CADM1: variants seen among roughly 807,000 people sequenced by gnomAD.
The protein encoded by CADM1 is cell adhesion molecule 1.
In CADM1, 15 loss-of-function variants were observed where a neutral mutation model predicts 53.1. That is an observed-to-expected ratio of 0.28 (90% confidence interval 0.19 to 0.44). The LOEUF is 0.44. CADM1 is among the 20% of genes least tolerant of loss of function. The pLI is 1.00. For synonymous variants in CADM1, 281 were observed against 243.0 expected (o/e 1.16, Z -1.45); for missense variants, 434 against 611.3 (o/e 0.71, Z 3.06).
chr11:115,441,001 A>C (rs1948296777), intron 1 of CADM1, among the ~76,000 whole-genome samples: 1 of 152,012 alleles, frequency 6.6e-6, no homozygotes, highest in African/African-American at 2.4e-5. Flanking sequence ...GCTGGTCTCA[A>C]ACTCCTGGGT....
chr11:115,347,952 A>G (rs970645590), intron 1 of CADM1, among the ~76,000 whole-genome samples: 5 of 152,240 alleles, frequency 3.3e-5, no homozygotes, highest in African/African-American at 1.2e-4. Context: ...TGCACGAAAA[A>G]TAAGGCGAAC....
At chr11:115,252,524 A>C (rs1048796318) in intron 1 of CADM1, among the ~76,000 whole-genome samples, 3 of 152,230 alleles carry the variant, frequency 2.0e-5, no homozygotes, top group African/African-American at 7.2e-5. Context: ...CAAATTAAAA[A>C]CCACAAGTAT....
chr11:115,496,214 A>G (rs1024132591), intron 1 of CADM1, among the ~76,000 whole-genome samples: 2 of 152,236 alleles, frequency 1.3e-5, no homozygotes, highest in African/African-American at 4.8e-5. Flanking sequence ...TGTGAAGTCA[A>G]GAAAGAAACT....
Position 115,172,636 on chromosome 11 carries a change from C to T in CADM1, c.*3838G>A, listed in dbSNP as rs1274229674. On this transcript the variant is annotated 3_prime_UTR_variant, in exon 12 of 12. Coordinates refer to ENST00000331581, the MANE Select transcript of CADM1 (RefSeq NM_001301043.2). ...AAGTTTTCAGGTGATGTAACTGATG[C>T]TCTACTTGGCCTCCAGAGACCGCCT... The T allele has an allele frequency of 6.6e-6, 1 of 151,812 alleles. No homozygotes were observed. Among genetic ancestry groups the T allele is most frequent in the Non-Finnish European group, 1.5e-5 (1 of 68,058 alleles). The allele number at this position is 151,812 out of a possible 1,614,324, so 9.4% of individuals were successfully genotyped here. A position where few individuals can be genotyped will look rare whatever the true frequency, so the allele number is the denominator to read the frequency against.
intron 1 of CADM1, among the ~76,000 whole-genome samples, chr11:115,373,583 C>CAAAAAAAAAAAAAAAA (rs35059216): frequency 2.0e-5 from 1 of 48,832 alleles, no homozygotes; most frequent in Non-Finnish European, 3.6e-5. Flanking sequence ...GACTCTGTCT[C>CAAAAAAAAAAAAAAAA]AAAAAAAAAA....
chr11:115,377,604 T>C (rs916479378), intron 1 of CADM1: 2 of 152,168 alleles, frequency 1.3e-5, no homozygotes, highest in African/African-American at 4.8e-5. Context: ...TCGCCAAAGC[T>C]CAGTAGTCAT....
chr11:115,480,781 G>A (rs1449260610), intron 1 of CADM1, among the ~76,000 whole-genome samples: 1 of 152,082 alleles, frequency 6.6e-6, no homozygotes, highest in African/African-American at 2.4e-5. Context: ...TTTAGCATGG[G>A]ATCCTACTTT....
At chr11:115,295,536 A>AT (rs1565349326) in intron 1 of CADM1, among the ~76,000 whole-genome samples, 8 of 76,522 alleles carry the variant, frequency 1.0e-4, no homozygotes, top group African/African-American at 4.6e-4. Context: ...ATATATATAT[A>AT]TATATATATA....
At chr11:115,295,524 A>ATATAT (rs1297411483) in intron 1 of CADM1, among the ~76,000 whole-genome samples, 32 of 77,362 alleles carry the variant, frequency 4.1e-4, no homozygotes, top group Non-Finnish European at 6.1e-4. Flanking sequence ...ATATATATAT[A>ATATAT]TATATATATA....
intron 1 of CADM1, among the ~76,000 whole-genome samples, chr11:115,314,280 A>C (rs964731699): frequency 6.6e-6 from 1 of 152,146 alleles, no homozygotes; most frequent in Non-Finnish European, 1.5e-5. Flanking sequence ...AGAGAAGAAC[A>C]GTCAGGAGCC....
chr11:115,186,812 C>T (rs1366495618), intron 10 of CADM1, among the ~76,000 whole-genome samples: 4 of 152,152 alleles, frequency 2.6e-5, no homozygotes, highest in Admixed American at 2.6e-4. Flanking sequence ...CCACTTTATC[C>T]GGTTTTATTG....
chr11:115,326,947 A>ATACT (rs1166366184), intron 1 of CADM1, among the ~76,000 whole-genome samples: 1 of 152,208 alleles, frequency 6.6e-6, no homozygotes, highest in Non-Finnish European at 1.5e-5. Flanking sequence ...CCACCGGGCT[A>ATACT]TACTTTCTAA....
chr11:115,416,730 CACACAGAT>C (rs1308682354), intron 1 of CADM1, among the ~76,000 whole-genome samples: 12 of 151,212 alleles, frequency 7.9e-5, no homozygotes, highest in African/African-American at 2.9e-4. Flanking sequence ...CACACACACA[CACACAGAT>C]AGATATTGTA....
At chr11:115,310,230 A>G (rs1422836530) in intron 1 of CADM1, among the ~76,000 whole-genome samples, 5 of 152,164 alleles carry the variant, frequency 3.3e-5, no homozygotes, top group Admixed American at 3.3e-4. Context: ...GAGAAAATGG[A>G]AATGTCCAAT....
chr11:115,273,384 C>G (rs1021128379), intron 1 of CADM1, among the ~76,000 whole-genome samples: 1 of 152,008 alleles, frequency 6.6e-6, no homozygotes, highest in African/African-American at 2.4e-5. Flanking sequence ...ACACATTATT[C>G]GATTCTGTGC....
At chr11:115,373,781 T>G (rs1216770491) in intron 1 of CADM1, among the ~76,000 whole-genome samples, 1 of 152,066 alleles carries the variant, frequency 6.6e-6, no homozygotes, top group East Asian at 1.9e-4. Context: ...TTGTTAAAAA[T>G]GCAGATGCCA....
intron 9 of CADM1, among the ~76,000 whole-genome samples, chr11:115,198,118 G>C (rs980929572): frequency 6.6e-6 from 1 of 152,202 alleles, no homozygotes; most frequent in East Asian, 1.9e-4. Flanking sequence ...TGTATTTCAA[G>C]GTTTGGTGGA....
intron 1 of CADM1, among the ~76,000 whole-genome samples, chr11:115,378,506 A>G (rs976986883): frequency 6.6e-6 from 1 of 152,160 alleles, no homozygotes; most frequent in Non-Finnish European, 1.5e-5. Context: ...GTATAAGTCA[A>G]TAAGTACATA....
At chr11:115,278,429 T>G (rs1943501492) in intron 1 of CADM1, among the ~76,000 whole-genome samples, 1 of 152,106 alleles carries the variant, frequency 6.6e-6, no homozygotes, top group African/African-American at 2.4e-5. Context: ...CAGGGCATAA[T>G]AAAGATCATA....
Sources: gnomAD v4.1 joint callset for allele counts (sites outside exome capture counted in the v4.1 genomes callset) on GRCh38, gnomAD v4.1.1 for gene constraint, MANE v1.5 for transcripts, NCBI Gene and HGNC (gene_info 2026-07-23, HGNC 2026-07-21) for gene names.